Variants in LINC00305 observed in about 807,000 individuals in gnomAD.
The protein encoded by LINC00305 is long intergenic non-protein coding RNA 305.
At chr18:64,121,714 G>A (rs955769856) in intron 1 of LINC00305, among the ~76,000 whole-genome samples, 2 of 152,024 alleles carry the variant, frequency 1.3e-5, no homozygotes, top group African/African-American at 2.4e-5. Flanking sequence ...ACCCAATAAC[G>A]GGATTGCTGG....
chr18:64,120,346 G>A (rs553856268), intron 1 of LINC00305, among the ~76,000 whole-genome samples: 1 of 152,164 alleles, frequency 6.6e-6, no homozygotes, highest in South Asian at 2.1e-4. Flanking sequence ...CACTCTGAGT[G>A]ACACAGCACA....
chr18:64,138,937 A>G (rs1599230927), intron 1 of LINC00305, among the ~76,000 whole-genome samples: 1 of 152,216 alleles, frequency 6.6e-6, no homozygotes, highest in Non-Finnish European at 1.5e-5. Context: ...TGTGCGGGGC[A>G]CAGCCGATAA....
intron 1 of LINC00305, among the ~76,000 whole-genome samples, chr18:64,138,911 A>G (rs1450971256): frequency 6.6e-6 from 1 of 152,184 alleles, no homozygotes; most frequent in East Asian, 1.9e-4. Context: ...ACCCTATCCA[A>G]ATGAATCAAA....
At chr18:64,142,691 C>T (rs924689066) in intron 1 of LINC00305, among the ~76,000 whole-genome samples, 22 of 152,072 alleles carry the variant, frequency 1.4e-4, no homozygotes, top group African/African-American at 4.6e-4. Context: ...CTATTCCACT[C>T]TTGTATATAC....
At chr18:64,084,691 G>A (rs919419553) in intron 3 of LINC00305, among the ~76,000 whole-genome samples, 1 of 152,190 alleles carries the variant, frequency 6.6e-6, no homozygotes, top group Non-Finnish European at 1.5e-5. Flanking sequence ...CATCTGCAGG[G>A]TTCGTGCATC....
chr18:64,121,811 G>T (rs2051363336), intron 1 of LINC00305, among the ~76,000 whole-genome samples: 1 of 152,134 alleles, frequency 6.6e-6, no homozygotes, highest in African/African-American at 2.4e-5. Flanking sequence ...CCCAGGAACA[G>T]TGTATAAGAG....
intron 1 of LINC00305, among the ~76,000 whole-genome samples, chr18:64,117,133 T>G (rs1367284597): frequency 2.0e-5 from 3 of 152,166 alleles, no homozygotes; most frequent in African/African-American, 7.2e-5. Flanking sequence ...AGTAACAAAA[T>G]GCTAACTGTG....
At chr18:64,143,305 A>T (rs72949552) in intron 1 of LINC00305, among the ~76,000 whole-genome samples, 1 of 152,116 alleles carries the variant, frequency 6.6e-6, no homozygotes, top group African/African-American at 2.4e-5. Flanking sequence ...AAGCACCAAG[A>T]TGACACTAAA....
At chr18:64,106,329 T>C (rs2144245061) in intron 1 of LINC00305, among the ~76,000 whole-genome samples, 1 of 152,304 alleles carries the variant, frequency 6.6e-6, no homozygotes, top group Non-Finnish European at 1.5e-5. Flanking sequence ...ATAGGTTGGC[T>C]GAGATTGTGC....
intron 1 of LINC00305, among the ~76,000 whole-genome samples, chr18:64,121,565 T>C (rs1411306249): frequency 1.3e-5 from 2 of 152,182 alleles, no homozygotes; most frequent in African/African-American, 4.8e-5. Flanking sequence ...TGGGTATATA[T>C]GCCACATTTT....
At chr18:64,122,572 G>T (rs1163788520) in intron 1 of LINC00305, among the ~76,000 whole-genome samples, 1 of 152,028 alleles carries the variant, frequency 6.6e-6, no homozygotes, top group Non-Finnish European at 1.5e-5. Context: ...GTACTATACT[G>T]TTTTGGTTAC....
intron 1 of LINC00305, among the ~76,000 whole-genome samples, chr18:64,112,239 T>G (rs1184832919): frequency 6.6e-6 from 1 of 150,952 alleles, no homozygotes; most frequent in Non-Finnish European, 1.5e-5. Context: ...GGATTGAAAA[T>G]GGAAGACTGG....
chr18:64,147,828 G>C (rs929076240), intron 1 of LINC00305, among the ~76,000 whole-genome samples: 2 of 152,206 alleles, frequency 1.3e-5, no homozygotes, highest in South Asian at 2.1e-4. Flanking sequence ...TTCTCATATT[G>C]GTCAAGGACC....
intron 1 of LINC00305, among the ~76,000 whole-genome samples, chr18:64,107,370 T>C (rs975487848): frequency 2.6e-5 from 4 of 152,202 alleles, no homozygotes; most frequent in Admixed American, 1.3e-4. Context: ...TGACCTATGA[T>C]ATGTGTTTCC....
At chr18:64,112,394 T>C (rs999754254) in intron 1 of LINC00305, among the ~76,000 whole-genome samples, 2 of 151,748 alleles carry the variant, frequency 1.3e-5, no homozygotes, top group African/African-American at 4.8e-5. Flanking sequence ...TGGGAACATC[T>C]ATCATAGGAT....
chr18:64,100,894 T>C (rs756778060), intron 1 of LINC00305, among the ~76,000 whole-genome samples: 5 of 152,070 alleles, frequency 3.3e-5, no homozygotes, highest in Non-Finnish European at 7.4e-5. Context: ...CTGTTTGCAA[T>C]AGAGTGTGTT....
At chr18:64,127,376 A>G (rs767333523) in intron 1 of LINC00305, 7 of 152,084 alleles carry the variant, frequency 4.6e-5, no homozygotes, top group Non-Finnish European at 1.0e-4. Context: ...CATTACCCTT[A>G]TCTTGCAGAT....
chr18:64,103,989 C>A (rs1319967144), intron 1 of LINC00305: 1 of 152,202 alleles, frequency 6.6e-6, no homozygotes, highest in African/African-American at 2.4e-5. Flanking sequence ...TTATGTCAAT[C>A]CATGACTTGC....
chr18:64,086,995 G>A (rs532393216), intron 3 of LINC00305, among the ~76,000 whole-genome samples: 1 of 152,212 alleles, frequency 6.6e-6, no homozygotes, highest in East Asian at 1.9e-4. Context: ...GGGAAAGAGA[G>A]GGTCTATAAT....
Sources: allele counts gnomAD v4.1 joint callset (sites outside exome capture counted in the v4.1 genomes callset), GRCh38; gene constraint gnomAD v4.1.1; transcripts MANE v1.5; gene names NCBI Gene and HGNC (gene_info 2026-07-23, HGNC 2026-07-21).